INTS6: variants seen among roughly 807,000 people sequenced by gnomAD.
INTS6 encodes DEAD box protein.
Under a neutral mutation model 104.9 loss-of-function variants are expected in INTS6, and 16 were observed. The ratio of observed to expected loss-of-function variants is 0.15; its 90% confidence interval spans 0.10 to 0.23. The LOEUF is 0.23. INTS6 is among the 10% of genes least tolerant of loss of function. The probability of loss-of-function intolerance (pLI) is 1.00; values close to 1 mark genes in which losing one functional copy is unlikely to be tolerated. For missense variants in INTS6, 584 were observed against 1,062.8 expected, an observed-to-expected ratio of 0.55 and a Z score of 6.26; for synonymous variants, 324 against 358.7, an observed-to-expected ratio of 0.90 and a Z score of 1.09.
chr13:51,388,881 T>C (rs1956194025), intron 6 of INTS6, among the ~76,000 whole-genome samples: 1 of 109,762 alleles, frequency 9.1e-6, no homozygotes, highest in African/African-American at 4.8e-5. Context: ...CAAAGCCTGG[T>C]TCCTCATTTT....
intron 7 of INTS6, among the ~76,000 whole-genome samples, chr13:51,386,202 T>C (rs1312767695): frequency 1.3e-5 from 2 of 152,188 alleles, no homozygotes; most frequent in African/African-American, 4.8e-5. Context: ...GAATTTGTGA[T>C]AGACTGCTAG....
At chr13:51,439,752 A>C (rs981374823) in intron 3 of INTS6, 1 of 152,216 alleles carries the variant, frequency 6.6e-6, no homozygotes, top group Admixed American at 6.5e-5. Flanking sequence ...GCCAGAAAAA[A>C]CTGGATAGCT....
At chr13:51,340,911 C>A in the INTS6 span, 1 of 633,346 alleles carries the variant, frequency 1.6e-6, no homozygotes. Context: ...GCAGCCCAGA[C>A]GGCTGGGCCT....
At position 51,361,833 on chromosome 13, in the gene INTS6, C is replaced by CG. The variant is rs752591802; in HGVS notation, c.*3918dup. On this transcript the variant is annotated 3_prime_UTR_variant, in exon 18 of 18. Coordinates refer to ENST00000311234, the MANE Select transcript of INTS6 (RefSeq NM_012141.3). ...AGCTCTGTTGTTATTGAAAAGGTCTCGGATTCCTATTTTTAAAGCAGATCG... is the reference window on the plus strand; with the variant it reads ...AGCTCTGTTGTTATTGAAAAGGTCTCGGGATTCCTATTTTTAAAGCAGATCG... The CG allele has an allele frequency of 6.2e-7, 1 of 1,610,116 alleles. No individual in the cohort carries two copies. Among genetic ancestry groups the CG allele is most frequent in the African/African-American group, 1.3e-5 (1 of 74,752 alleles).
intron 4 of INTS6, among the ~76,000 whole-genome samples, chr13:51,401,162 G>A (rs1031527826): frequency 1.3e-5 from 2 of 151,832 alleles, no homozygotes; most frequent in Admixed American, 1.3e-4. Context: ...CATTTGTAAG[G>A]ACCCCTAACA....
chr13:51,387,344 C>G (rs1401748137), intron 7 of INTS6, 42 bp downstream of exon 7: 1 of 1,527,264 alleles, frequency 6.5e-7, no homozygotes, highest in Non-Finnish European at 8.8e-7. Context: ...GGAAAGACAG[C>G]TGAATGGTTA....
chr13:51,412,055 T>C (rs1204520988), intron 4 of INTS6, among the ~76,000 whole-genome samples: 1 of 152,226 alleles, frequency 6.6e-6, no homozygotes, highest in Non-Finnish European at 1.5e-5. Context: ...CCACATATTA[T>C]ATACAGTGTA....
intron 3 of INTS6, chr13:51,436,700 T>C (rs995304314): frequency 1.3e-5 from 2 of 152,126 alleles, no homozygotes; most frequent in African/African-American, 4.8e-5. Flanking sequence ...AATTCAATAA[T>C]TGATAAGACT....
At chr13:51,450,228 A>G in intron 3 of INTS6, 5 of 984,764 alleles carry the variant, frequency 5.1e-6, no homozygotes, top group Non-Finnish European at 6.0e-6. Flanking sequence ...AACATTATAC[A>G]TTGTTCAGTA....
chr13:51,392,438 A>G (rs113888023), intron 5 of INTS6, among the ~76,000 whole-genome samples: 1,719 of 146,786 alleles, frequency 0.012, 26 homozygotes, highest in East Asian at 0.073. Context: ...CTAAAGAGCC[A>G]TTCAATATTT....
chr13:51,416,634 A>G (rs1956792199), intron 4 of INTS6, among the ~76,000 whole-genome samples: 1 of 152,182 alleles, frequency 6.6e-6, no homozygotes, highest in African/African-American at 2.4e-5. Context: ...GGTAATAGAC[A>G]TTTGTGTTGT....
chr13:51,441,265 A>T (rs1340195214), intron 3 of INTS6: 2 of 152,158 alleles, frequency 1.3e-5, no homozygotes, highest in Non-Finnish European at 2.9e-5. Context: ...AACCTCTAGT[A>T]CCCCATAATT....
chr13:51,341,294 CAGA>C, the INTS6 span: 1 of 1,613,386 alleles, frequency 6.2e-7, no homozygotes, highest in Non-Finnish European at 8.5e-7. Flanking sequence ...CAGTTTGGAG[CAGA>C]AGGGAGCACT....
At chr13:51,449,394 C>A in intron 3 of INTS6, 5 of 830,824 alleles carry the variant, frequency 6.0e-6, no homozygotes, top group Non-Finnish European at 7.3e-6. Flanking sequence ...TCTCTGGGGG[C>A]AGATATCAAC....
At position 51,453,000 on chromosome 13, in the gene INTS6, G is replaced by T; in HGVS notation, c.-475C>A. Reference sequence around the variant, plus strand: ...CAGGGACTCCCTCCGCACCCCGGCGGTGTCACCACTTTCTCAGCCCCTCTC... The same window carrying T: ...CAGGGACTCCCTCCGCACCCCGGCGTTGTCACCACTTTCTCAGCCCCTCTC... On this transcript the variant is annotated 5_prime_UTR_variant, in exon 1 of 18. Transcript: ENST00000311234. This position sits in a 1 kb window ranked among gnomAD's most constrained non-coding sequence, Gnocchi z 4.2. The T allele has an allele frequency of 9.9e-7, 1 of 1,007,784 alleles. No homozygotes were observed. Among genetic ancestry groups the T allele is most frequent in the Non-Finnish European group, 1.2e-6 (1 of 843,530 alleles). The allele number at this position is 1,007,784 out of a possible 1,614,324, so 62.4% of individuals were successfully genotyped here.
Position 51,387,385 on chromosome 13 carries a change from C to CTAG in INTS6, c.892_894dup (p.Leu298dup), listed in dbSNP as rs1477134203. On this transcript the variant is annotated inframe_insertion and splice_region_variant. Coordinates refer to ENST00000311234, the MANE Select transcript of INTS6 (RefSeq NM_012141.3). Reference sequence around the variant, plus strand: ...ACATAGTTACAGTCTCTGGTACTTACTAGTGTTGGCGAATTTTGATCTGGC... The same window carrying CTAG: ...ACATAGTTACAGTCTCTGGTACTTACTAGTAGTGTTGGCGAATTTTGATCTGGC... 6.2e-7 allele frequency: 1 copy of CTAG among 1,609,444 alleles called. No individual in the cohort carries two copies. The highest frequency in any genetic ancestry group is 1.3e-5 in the African/African-American group (1 of 74,706).
the INTS6 span, chr13:51,340,851 A>G: frequency 3.5e-6 from 2 of 566,896 alleles, no homozygotes; most frequent in African/African-American, 1.9e-5. Flanking sequence ...TTTGGCTGCC[A>G]AAGGACCACA....
At chr13:51,450,961 A>G in intron 3 of INTS6, 64 bp downstream of exon 3, 1 of 1,413,786 alleles carries the variant, frequency 7.1e-7, no homozygotes, top group Non-Finnish European at 9.3e-7. Flanking sequence ...TAGTTTTTGG[A>G]CTGGACTGTG....
At chr13:51,447,093 T>C (rs1486835116) in intron 3 of INTS6, 1 of 152,234 alleles carries the variant, frequency 6.6e-6, no homozygotes, top group Non-Finnish European at 1.5e-5. Context: ...CAAAATACTA[T>C]TCATCATTGT....
Sources: allele counts gnomAD v4.1 joint callset (sites outside exome capture counted in the v4.1 genomes callset), GRCh38; gene constraint gnomAD v4.1.1; non-coding constraint Gnocchi (gnomAD v3.1); transcripts MANE v1.5; gene names NCBI Gene and HGNC (gene_info 2026-07-23, HGNC 2026-07-21).